Variants in SORCS1 observed in about 807,000 individuals in gnomAD.
The protein encoded by SORCS1 is sortilin related VPS10 domain containing receptor 1.
A neutral mutation model predicts 146.1 loss-of-function variants in SORCS1; 60 were observed. The ratio of observed to expected loss-of-function variants is 0.41; its 90% CI spans 0.33 to 0.51. The LOEUF (loss-of-function observed/expected upper bound fraction) is 0.51. Among genes scored for constraint, SORCS1 ranks in the 20% least tolerant of loss-of-function variants. The pLI, the probability that SORCS1 is intolerant of heterozygous loss-of-function variation, is 0.21. For synonymous variants in SORCS1, 637 were observed against 584.0 expected, an observed-to-expected ratio of 1.09 and a Z score of -1.31; for missense variants, 1,352 against 1,487.6, an observed-to-expected ratio of 0.91 and a Z score of 1.50.
intron 1 of SORCS1, among the ~76,000 whole-genome samples, chr10:107,146,299 G>A (rs368377722): frequency 9.0e-4 from 135 of 149,936 alleles, no homozygotes; most frequent in African/African-American, 3.1e-3. Flanking sequence ...CATTTTTTAC[G>A]GTATTTAAAC....
At chr10:107,053,848 G>A (rs1178392957) in intron 1 of SORCS1, among the ~76,000 whole-genome samples, 2 of 152,126 alleles carry the variant, frequency 1.3e-5, no homozygotes, top group African/African-American at 4.8e-5. Context: ...CACCTTGTCT[G>A]CATTTCTGAA....
intron 1 of SORCS1, among the ~76,000 whole-genome samples, chr10:107,075,689 A>C (rs1962817860): frequency 6.6e-6 from 1 of 152,128 alleles, no homozygotes; most frequent in Non-Finnish European, 1.5e-5. Context: ...CTTTCAATAA[A>C]TTTTTAAAAA....
intron 5 of SORCS1, among the ~76,000 whole-genome samples, chr10:106,738,332 A>G (rs1370066938): frequency 6.6e-6 from 1 of 152,234 alleles, no homozygotes; most frequent in Non-Finnish European, 1.5e-5. Flanking sequence ...CTAAGTGGGT[A>G]GTAAATGTGA....
At position 107,128,483 on chromosome 10, in the gene SORCS1, C is replaced by T. The variant is rs545818947; in HGVS notation, c.558+35486G>A. ...TGTTTGATCCCATCACTGTCATTTA[C>T]CAGCTGGTTGGCTTTGGATAAGTGT... On this transcript the variant is annotated intron_variant, in intron 1 of 25. Coordinates refer to ENST00000263054, the MANE Select transcript of SORCS1 (RefSeq NM_052918.5). Among the ~76,000 whole-genome samples, 16 of 152,288 alleles carry T rather than the reference C, an allele frequency of 1.1e-4. No homozygotes were observed. The South Asian group carries it at 2.7e-3, about 26-fold the overall frequency.
intron 2 of SORCS1, among the ~76,000 whole-genome samples, chr10:106,852,283 A>C (rs1949615309): frequency 6.6e-6 from 1 of 152,158 alleles, no homozygotes; most frequent in Non-Finnish European, 1.5e-5. Flanking sequence ...GTTTCTCACC[A>C]CTAAGTAAGA....
At chr10:106,752,788 T>G (rs556234516) in intron 5 of SORCS1, among the ~76,000 whole-genome samples, 1 of 151,934 alleles carries the variant, frequency 6.6e-6, no homozygotes, top group South Asian at 2.1e-4. Context: ...GGGGAGGAAG[T>G]GGGCAGGGAT....
At chr10:106,736,764 G>A (rs2136068311) in intron 5 of SORCS1, among the ~76,000 whole-genome samples, 1 of 152,256 alleles carries the variant, frequency 6.6e-6, no homozygotes, top group East Asian at 1.9e-4. Flanking sequence ...TTTAGCCTAA[G>A]AAACATGTCT....
At chr10:107,021,184 C>T (rs1958113249) in intron 1 of SORCS1, among the ~76,000 whole-genome samples, 1 of 152,082 alleles carries the variant, frequency 6.6e-6, no homozygotes, top group East Asian at 1.9e-4. Flanking sequence ...GGAAGGAAGA[C>T]CGGCTATGTG....
At chr10:106,793,278 G>A (rs1457872843) in intron 3 of SORCS1, among the ~76,000 whole-genome samples, 1 of 152,202 alleles carries the variant, frequency 6.6e-6, no homozygotes, top group East Asian at 1.9e-4. Context: ...AAGTAGGAAA[G>A]ATTCGTGACA....
At chr10:106,976,363 G>C (rs1589832789) in intron 1 of SORCS1, among the ~76,000 whole-genome samples, 1 of 100,314 alleles carries the variant, frequency 1.0e-5, no homozygotes, top group Non-Finnish European at 2.1e-5. Context: ...ACGGAGTCTC[G>C]CTCTGTCACC....
chr10:106,592,440 T>C (rs1335956947), intron 24 of SORCS1, among the ~76,000 whole-genome samples: 1 of 152,148 alleles, frequency 6.6e-6, no homozygotes, highest in African/African-American at 2.4e-5. Context: ...AAAACCAAAA[T>C]AAGGCTAGTA....
intron 1 of SORCS1, among the ~76,000 whole-genome samples, chr10:107,013,479 T>C (rs1051396324): frequency 7.8e-6 from 1 of 128,424 alleles, no homozygotes; most frequent in Non-Finnish European, 1.5e-5. Flanking sequence ...TTTCTTTGAG[T>C]AGGCTAATAA....
chr10:106,661,418 T>G (rs1850718294), intron 17 of SORCS1, among the ~76,000 whole-genome samples: 2 of 152,214 alleles, frequency 1.3e-5, no homozygotes, highest in Admixed American at 1.3e-4. Context: ...GTTTTACAAA[T>G]GAGAAAACAG....
intron 24 of SORCS1, among the ~76,000 whole-genome samples, chr10:106,585,276 A>G (rs1285855874): frequency 1.3e-5 from 2 of 152,082 alleles, no homozygotes; most frequent in Non-Finnish European, 2.9e-5. Flanking sequence ...AAATCCATAT[A>G]TGTGACAAGG....
intron 1 of SORCS1, among the ~76,000 whole-genome samples, chr10:106,957,602 T>A (rs1285929116): frequency 6.6e-6 from 1 of 152,180 alleles, no homozygotes; most frequent in Non-Finnish European, 1.5e-5. Context: ...AACGACAGCA[T>A]TTTAACGAGC....
At chr10:106,637,583 C>G (rs190019799) in intron 18 of SORCS1, among the ~76,000 whole-genome samples, 1 of 152,250 alleles carries the variant, frequency 6.6e-6, no homozygotes, top group African/African-American at 2.4e-5. Flanking sequence ...GATGAAGAGT[C>G]GCCAGTGAAG....
At chr10:106,783,200 A>G (rs1861029096) in intron 3 of SORCS1, among the ~76,000 whole-genome samples, 1 of 152,216 alleles carries the variant, frequency 6.6e-6, no homozygotes, top group Non-Finnish European at 1.5e-5. Context: ...GTTGTGTATC[A>G]GGCTCCCTGC....
Position 106,577,734 on chromosome 10 carries a change from A to G in SORCS1, c.3372-179T>C, listed in dbSNP as rs1325286608. 2.4e-6 allele frequency: 3 copies of G among 1,274,712 alleles called. No individual in the cohort carries two copies. In the East Asian group the frequency reaches 8.1e-5, roughly 34 times the overall value. The allele number at this position is 1,274,712 out of a possible 1,614,324, so 79.0% of individuals were successfully genotyped here. On this transcript the variant is annotated intron_variant, in intron 25 of 25. Coordinates refer to ENST00000263054, the MANE Select transcript of SORCS1 (RefSeq NM_052918.5). ...GCGACTGAGAACCAAACGATCCCCA[A>G]AAATGCACTTAGAAGCTTTAGGAAT...
chr10:107,113,473 G>T (rs957871268), intron 1 of SORCS1, among the ~76,000 whole-genome samples: 1 of 152,006 alleles, frequency 6.6e-6, no homozygotes, highest in Non-Finnish European at 1.5e-5. Flanking sequence ...TGGATCACGA[G>T]GTCAAGAGGT....
Sources: gnomAD v4.1 joint callset for allele counts (sites outside exome capture counted in the v4.1 genomes callset) on GRCh38, gnomAD v4.1.1 for gene constraint, MANE v1.5 for transcripts, NCBI Gene and HGNC (gene_info 2026-07-23, HGNC 2026-07-21) for gene names.